Variants in RNPEP observed in about 807,000 individuals in gnomAD.
RNPEP encodes arginyl aminopeptidase.
A neutral mutation model predicts 70.1 loss-of-function variants in RNPEP; 57 were observed. That is an observed-to-expected ratio of 0.81 (90% CI 0.66 to 1.01). The LOEUF is 1.01. RNPEP is among the 50% of genes least tolerant of loss of function. The pLI, the probability that RNPEP is intolerant of heterozygous loss-of-function variation, is 0.00. For missense variants in RNPEP, 787 were observed against 852.4 expected (o/e 0.92, Z 0.96); for synonymous variants, 335 against 357.4 (o/e 0.94, Z 0.71).
chr1:201,994,714 T>C (rs1683479317), intron 3 of RNPEP, among the ~76,000 whole-genome samples: 2 of 151,214 alleles, frequency 1.3e-5, no homozygotes, highest in African/African-American at 4.9e-5. Flanking sequence ...TCACCCAGGC[T>C]GGAGTGCGAT....
intron 1 of RNPEP, among the ~76,000 whole-genome samples, chr1:201,984,579 A>T (rs1327235010): frequency 1.3e-5 from 2 of 151,876 alleles, no homozygotes; most frequent in African/African-American, 4.8e-5. Context: ...ACACCACTGC[A>T]CTCCAGCCTG....
At chr1:201,991,334 T>C (rs539987860) in intron 3 of RNPEP, among the ~76,000 whole-genome samples, 139 of 152,228 alleles carry the variant, frequency 9.1e-4, no homozygotes, top group African/African-American at 3.2e-3. Flanking sequence ...AGGCTAGTCT[T>C]GAACTCCTGA....
At chr1:201,985,744 TA>T (rs1683110962) in intron 1 of RNPEP, among the ~76,000 whole-genome samples, 1 of 152,218 alleles carries the variant, frequency 6.6e-6, no homozygotes, top group Non-Finnish European at 1.5e-5. Context: ...ATATTTGTTA[TA>T]ATTAATAAAC....
In RNPEP at chr1:201,988,970, G is replaced by C. The variant is rs1683228591; in HGVS notation, c.514G>C (p.Ala172Pro). 1 of 1,614,042 alleles carries C rather than the reference G, an allele frequency of 6.2e-7. No individual in the cohort carries two copies. ...KKPFVYTQGQ[A>P]VLNRAFFPCF... Reference sequence around the variant, plus strand: ...GCCCTTCGTGTACACCCAGGGCCAGGCTGTCCTAAACCGGGCCTTCTTCCC... The same window carrying C: ...GCCCTTCGTGTACACCCAGGGCCAGCCTGTCCTAAACCGGGCCTTCTTCCC... Residue 172 changes from alanine (A) to proline (P), a missense_variant, in exon 2 of 11, where the codon GCT (alanine) becomes CCT (proline). By Grantham distance (27) the Ala-to-Pro change is conservative. Transcript: ENST00000295640.
At chr1:201,996,465 TTGTGTGTGTGTGTGTGTGTGTG>T (rs71281164) in intron 4 of RNPEP, 26 of 233,002 alleles carry the variant, frequency 1.1e-4, no homozygotes, top group Middle Eastern at 1.4e-3. Context: ...ATGAGGTTCT[TTGTGTGTGTGTGTGTGTGTGTG>T]TGTGTGTGTG....
At chr1:201,987,628 G>T (rs1683180196) in intron 1 of RNPEP, among the ~76,000 whole-genome samples, 1 of 151,144 alleles carries the variant, frequency 6.6e-6, no homozygotes, top group Non-Finnish European at 1.5e-5. Context: ...AGTAGCAACA[G>T]GGTTTTACCA....
intron 8 of RNPEP, among the ~76,000 whole-genome samples, 158 bp downstream of exon 8, chr1:202,001,925 A>T (rs1683833747): frequency 6.6e-6 from 1 of 152,124 alleles, no homozygotes; most frequent in African/African-American, 2.4e-5. Flanking sequence ...GATTTATTCC[A>T]CAAGAATGAC....
intron 5 of RNPEP, among the ~76,000 whole-genome samples, chr1:201,998,928 A>G (rs778847775): frequency 3.9e-5 from 6 of 152,228 alleles, no homozygotes; most frequent in Non-Finnish European, 7.3e-5. Context: ...GATGAAAATA[A>G]TTCTAAGTTT....
chr1:201,997,293 T>C lies in RNPEP; in HGVS notation c.855-26T>C, dbSNP rs1434898822. 3 of 1,597,130 alleles carry C rather than the reference T, an allele frequency of 1.9e-6. No individual in the cohort carries two copies. In the African/African-American group the frequency reaches 4.0e-5, roughly 21 times the overall value. On this transcript the variant is annotated intron_variant, in intron 4 of 10. Transcript: ENST00000295640. ...GTCTGCTCCGGGAAGCCAGGGCCTC[T>C]TGGTGACCTCCCCGCTTCTCGGCAG...
At chr1:201,985,209 A>T (rs75430339) in intron 1 of RNPEP, among the ~76,000 whole-genome samples, 2 of 112,282 alleles carry the variant, frequency 1.8e-5, no homozygotes, top group Non-Finnish European at 4.0e-5. Context: ...AAAAAAAAAA[A>T]TACTCATTTC....
chr1:202,001,820 C>A, intron 8 of RNPEP, 53 bp downstream of exon 8: 1 of 1,112,384 alleles, frequency 9.0e-7, no homozygotes, highest in Non-Finnish European at 1.4e-6. Context: ...AGAATGAGAT[C>A]TCATTGACAC....
chr1:201,982,695 G>A lies in RNPEP; in HGVS notation c.29G>A (p.Ser10Asn). 2 of 1,395,330 alleles carry A rather than the reference G, an allele frequency of 1.4e-6. No individual in the cohort carries two copies. The highest frequency in any genetic ancestry group is 1.9e-6 in the Non-Finnish European group (2 of 1,068,866). 86.4% of individuals were successfully genotyped at this position (1,395,330 alleles called of 1,614,324 possible). MASGEHSPGSGAARRPLHSA... is the reference protein window; with the variant it reads MASGEHSPGNGAARRPLHSA... ...GCGAGCGGCGAGCATTCCCCCGGCA[G>A]CGGCGCGGCCCGGCGGCCGCTGCAC... Residue 10 changes from serine to asparagine, a missense_variant, in exon 1 of 11, where the codon AGC becomes AAC. Ser to Asn is a conservative substitution (Grantham distance 46). Coordinates refer to ENST00000295640, the MANE Select transcript of RNPEP (RefSeq NM_020216.4).
intron 1 of RNPEP, chr1:201,983,359 C>A: frequency 1.3e-6 from 2 of 1,498,080 alleles, no homozygotes; most frequent in Non-Finnish European, 8.9e-7. Flanking sequence ...TTCACCCTTT[C>A]CGTCCTTCCG....
chr1:202,004,299 A>G (rs2102985565), intron 9 of RNPEP, 55 bp from the exon 10 acceptor site: 2 of 1,597,950 alleles, frequency 1.3e-6, no homozygotes, highest in Non-Finnish European at 8.5e-7. Context: ...AAATTCTAGT[A>G]TTACAGGTGT....
chr1:201,995,350 A>T (rs1370186240), intron 3 of RNPEP, among the ~76,000 whole-genome samples: 1 of 152,122 alleles, frequency 6.6e-6, no homozygotes, highest in Non-Finnish European at 1.5e-5. Flanking sequence ...CCACAATCCC[A>T]TTATTGTACC....
Position 201,982,680 on chromosome 1 carries a change from A to G in RNPEP, c.14A>G (p.Glu5Gly), listed in dbSNP as rs1416131053. Residue 5 changes from glutamate (E) to glycine (G), a missense_variant, in exon 1 of 11, where the codon GAG becomes GGG. By Grantham distance (98) the Glu-to-Gly change is moderately conservative. Coordinates refer to ENST00000295640, the MANE Select transcript of RNPEP (RefSeq NM_020216.4). MASGEHSPGSGAARR... is the reference protein window; with the variant it reads MASGGHSPGSGAARR... ...GGCTCTGCGGCCATGGCGAGCGGCG[A>G]GCATTCCCCCGGCAGCGGCGCGGCC... 3 of 1,383,608 alleles carry G rather than the reference A, an allele frequency of 2.2e-6. No homozygotes were observed. Among genetic ancestry groups the G allele is most frequent in the East Asian group, 6.3e-5 (2 of 31,876 alleles). 85.7% of individuals were successfully genotyped at this position (1,383,608 alleles called of 1,614,324 possible). A position where few individuals can be genotyped will look rare whatever the true frequency, so the allele number is the denominator to read the frequency against.
At chr1:202,001,003 G>T in intron 6 of RNPEP, 1 of 204,990 alleles carries the variant, frequency 4.9e-6, no homozygotes, top group East Asian at 1.4e-4. Flanking sequence ...AATGCTGATG[G>T]AACCTACCCA....
intron 8 of RNPEP, among the ~76,000 whole-genome samples, chr1:202,002,505 A>G (rs2102982984): frequency 6.6e-6 from 1 of 152,296 alleles, no homozygotes. Context: ...GAAAAAACGA[A>G]AAATGTCCTG....
At chr1:201,990,262 A>G (rs185399130) in intron 3 of RNPEP, among the ~76,000 whole-genome samples, 1 of 152,332 alleles carries the variant, frequency 6.6e-6, no homozygotes, top group East Asian at 1.9e-4. Flanking sequence ...GTTCCTGGAA[A>G]TAACAACTTT....
Sources: allele counts gnomAD v4.1 joint callset (sites outside exome capture counted in the v4.1 genomes callset), GRCh38; gene constraint gnomAD v4.1.1; transcripts MANE v1.5; gene names NCBI Gene and HGNC (gene_info 2026-07-23, HGNC 2026-07-21).